Variants in EDIL3 observed in about 807,000 individuals in gnomAD.
EDIL3 encodes the protein EGF like and discoidin domains 3, also known as EGF-like repeat and discoidin I-like domain-containing protein 3.
EDIL3 carries 37 observed loss-of-function variants against 67.4 expected under a neutral mutation model. The ratio of observed to expected loss-of-function variants is 0.55; its 90% CI spans 0.42 to 0.72. The LOEUF is 0.72. EDIL3 is among the 30% of genes least tolerant of loss of function. EDIL3 has a pLI of 0.00. For missense variants in EDIL3, 527 were observed against 586.3 expected (o/e 0.90, Z 1.04); for synonymous variants, 195 against 196.3 (o/e 0.99, Z 0.05).
At chr5:83,960,954 T>C (rs1322635173) in intron 10 of EDIL3, among the ~76,000 whole-genome samples, 1 of 150,980 alleles carries the variant, frequency 6.6e-6, no homozygotes, top group African/African-American at 2.4e-5. Context: ...AATTATATGC[T>C]GCATAGAAGG....
intron 1 of EDIL3, 115 bp downstream of exon 1, chr5:84,384,193 G>A (rs1748168201): frequency 7.5e-7 from 1 of 1,332,922 alleles, no homozygotes; most frequent in East Asian, 2.4e-5. Flanking sequence ...CGCGCCGCCA[G>A]CGGCGCTCGC....
At chr5:84,197,532 G>A (rs541928193) in intron 3 of EDIL3, among the ~76,000 whole-genome samples, 3 of 151,978 alleles carry the variant, frequency 2.0e-5, no homozygotes, top group East Asian at 1.9e-4. Context: ...GGTGGCACGC[G>A]CCTGTATTCC....
intron 9 of EDIL3, among the ~76,000 whole-genome samples, chr5:84,026,130 C>G (rs547352815): frequency 5.3e-5 from 8 of 152,116 alleles, no homozygotes; most frequent in Non-Finnish European, 1.2e-4. Context: ...CAGGAATATC[C>G]AAGATGATCT....
chr5:84,205,059 C>T (rs942065881), intron 3 of EDIL3, among the ~76,000 whole-genome samples: 3 of 148,764 alleles, frequency 2.0e-5, no homozygotes, highest in African/African-American at 7.5e-5. Context: ...ACTACAGGCA[C>T]ATGCCACCAT....
intron 1 of EDIL3, among the ~76,000 whole-genome samples, chr5:84,340,530 CTCTCTATATATATATATATATATATATA>C (rs1475738395): frequency 1.4e-5 from 1 of 69,812 alleles, no homozygotes; most frequent in East Asian, 3.7e-4. Flanking sequence ...CTCTCTCTCT[CTCTCTATATATATATATATATATATATA>C]TATATATATA....
intron 3 of EDIL3, among the ~76,000 whole-genome samples, chr5:84,204,656 A>G (rs1743919283): frequency 3.9e-5 from 6 of 152,064 alleles, no homozygotes. Context: ...GAAATTCAGC[A>G]GGCTCCTTAT....
chr5:84,121,209 T>C (rs1747768956), intron 5 of EDIL3, among the ~76,000 whole-genome samples: 1 of 152,036 alleles, frequency 6.6e-6, no homozygotes, highest in South Asian at 2.1e-4. Flanking sequence ...ATCTGCTTAG[T>C]TGCTGAAAGT....
rs774566389 is a variant in EDIL3, at chr5:84,137,325, T to C, written c.385A>G (p.Lys129Glu). The change falls in exon 5 of 11, where the codon AAA (lysine) becomes GAA (glutamate). Residue 129 changes from lysine to glutamate, a missense_variant. Physicochemically the swap from Lys to Glu is moderately conservative, Grantham distance 56 (BLOSUM62 1). This residue lies in a region of EDIL3 where 494 missense variants were observed against 522.5 expected (regional missense o/e 0.95). Coordinates refer to ENST00000296591, the MANE Select transcript of EDIL3 (RefSeq NM_005711.5). The part of the protein sequence containing the change: ...NINECEVEPC[K>E]NGGICTDLVA... ...AGATCTGTACATATTCCACCATTTT[T>C]GCAAGGCTCAACTTCGCATTCATTT... is the stretch of plus-strand genomic sequence containing the variant. The C allele has an allele frequency of 1.5e-5, 25 of 1,613,410 alleles. No homozygotes were observed. The highest frequency in any genetic ancestry group is 1.9e-5 in the Non-Finnish European group (22 of 1,179,834).
At chr5:83,996,643 A>G (rs964105552) in intron 9 of EDIL3, among the ~76,000 whole-genome samples, 2 of 152,174 alleles carry the variant, frequency 1.3e-5, no homozygotes, top group Admixed American at 6.6e-5. Context: ...AGTCAGAGGT[A>G]ACATCCCAAT....
intron 10 of EDIL3, among the ~76,000 whole-genome samples, chr5:83,953,834 C>T (rs140929919): frequency 1.5e-3 from 226 of 151,878 alleles, no homozygotes; most frequent in East Asian, 9.0e-3. Context: ...TGTCCCCACA[C>T]GGCTTATTAC....
At chr5:84,009,237 G>C (rs192822973) in intron 9 of EDIL3, among the ~76,000 whole-genome samples, 1 of 152,130 alleles carries the variant, frequency 6.6e-6, no homozygotes, top group African/African-American at 2.4e-5. Context: ...ATAAAATCCT[G>C]CTTAATGAGG....
At chr5:84,347,031 A>T (rs938810799) in intron 1 of EDIL3, among the ~76,000 whole-genome samples, 2 of 152,200 alleles carry the variant, frequency 1.3e-5, no homozygotes, top group Non-Finnish European at 2.9e-5. Flanking sequence ...CTAAAAAAAA[A>T]TTGAGAAATT....
intron 1 of EDIL3, among the ~76,000 whole-genome samples, chr5:84,260,651 ATGT>A (rs1745209204): frequency 6.6e-6 from 1 of 152,164 alleles, no homozygotes; most frequent in Admixed American, 6.5e-5. Context: ...AGTACTGTTA[ATGT>A]ATTTATGTAT....
intron 10 of EDIL3, among the ~76,000 whole-genome samples, chr5:83,959,866 C>T (rs1042463643): frequency 1.3e-5 from 2 of 150,676 alleles, no homozygotes; most frequent in African/African-American, 4.9e-5. Context: ...AAACATATTT[C>T]ATTGATATAT....
intron 9 of EDIL3, among the ~76,000 whole-genome samples, chr5:84,024,905 C>T (rs1745784412): frequency 6.6e-6 from 1 of 151,756 alleles, no homozygotes; most frequent in Non-Finnish European, 1.5e-5. Flanking sequence ...GCATTAAGAG[C>T]CAACATGACA....
chr5:84,037,988 G>T (rs200715970), intron 9 of EDIL3, among the ~76,000 whole-genome samples: 302 of 99,498 alleles, frequency 3.0e-3, no homozygotes, highest in African/African-American at 7.6e-3. Flanking sequence ...TTTCTTTCTT[G>T]TTTTTTTTTT....
chr5:84,061,271 G>C (rs1746536956), intron 8 of EDIL3, among the ~76,000 whole-genome samples: 1 of 152,036 alleles, frequency 6.6e-6, no homozygotes, highest in South Asian at 2.1e-4. Flanking sequence ...GTATTTTTGA[G>C]TTTAATACGG....
intron 1 of EDIL3, among the ~76,000 whole-genome samples, chr5:84,315,482 GC>G (rs1746490180): frequency 6.6e-6 from 1 of 152,124 alleles, no homozygotes; most frequent in Non-Finnish European, 1.5e-5. Context: ...CTTCAGTCAT[GC>G]TAAAAATTTT....
At chr5:84,148,371 C>T (rs1748324941) in intron 4 of EDIL3, among the ~76,000 whole-genome samples, 1 of 151,960 alleles carries the variant, frequency 6.6e-6, no homozygotes, top group Non-Finnish European at 1.5e-5. Context: ...AGCATTTATC[C>T]AAAAAATTGC....
Sources: allele counts gnomAD v4.1 joint callset (sites outside exome capture counted in the v4.1 genomes callset), GRCh38; gene constraint gnomAD v4.1.1; regional missense constraint gnomAD v4.1.1; transcripts MANE v1.5; gene names NCBI Gene and HGNC (gene_info 2026-07-23, HGNC 2026-07-21).